The following TRAPPC14 variants were observed in gnomAD, a reference collection of about 807,000 sequenced individuals.
TRAPPC14 encodes the protein trafficking protein particle complex subunit 14, also known as microtubule associated protein 11.
Under a neutral mutation model 56.6 loss-of-function variants are expected in TRAPPC14, and 24 were observed. That is an observed-to-expected ratio of 0.42 (90% CI 0.31 to 0.60). TRAPPC14 has a LOEUF of 0.60. TRAPPC14 is among the 20% of genes least tolerant of loss of function. TRAPPC14 has a pLI of 0.14. For missense variants in TRAPPC14, 615 were observed against 790.3 expected, an observed-to-expected ratio of 0.78 and a Z score of 2.66; for synonymous variants, 377 against 347.0, an observed-to-expected ratio of 1.09 and a Z score of -0.96.
At chr7:100,156,189 C>T in intron 8 of TRAPPC14, 197 bp downstream of exon 8, 2 of 617,702 alleles carry the variant, frequency 3.2e-6, no homozygotes, top group South Asian at 3.8e-5. Flanking sequence ...AGTCACTCTG[C>T]CCCACTGCCT....
In TRAPPC14 at chr7:100,156,949, G is replaced by A. The variant is rs145882484; in HGVS notation, c.889C>T (p.Pro297Ser). ...EVSMGSFCRL[P>S]GTSGCFPCPL... Reference sequence around the variant, plus strand: ...CAGGGGAAGCAGCCAGAGGTCCCGGGTAGGCGGCAGAAGGAGCCCATGGAG... The same window carrying A: ...CAGGGGAAGCAGCCAGAGGTCCCGGATAGGCGGCAGAAGGAGCCCATGGAG... The change falls in exon 6 of 11, where the codon CCC (proline) becomes TCC (serine). Residue 297 changes from proline (P) to serine (S), a missense_variant. Pro to Ser is a moderately conservative substitution (Grantham distance 74). Transcript: ENST00000316937. The A allele has an allele frequency of 7.0e-5, 113 of 1,613,942 alleles. No homozygotes were observed. Among genetic ancestry groups the A allele is most frequent in the Non-Finnish European group, 3.6e-5 (43 of 1,180,018 alleles).
At chr7:100,155,487 C>T (rs776701829) in intron 9 of TRAPPC14, 32 bp from the exon 10 acceptor site, 26 of 1,515,214 alleles carry the variant, frequency 1.7e-5, no homozygotes, top group Middle Eastern at 3.5e-4. Flanking sequence ...CATGCCAGCT[C>T]GGCTTCCAGG....
At position 100,154,937 on chromosome 7, in the gene TRAPPC14, C is replaced by G. The variant is rs953712142; in HGVS notation, c.*74G>C. 11 of 1,517,944 alleles carry G rather than the reference C, an allele frequency of 7.2e-6. No individual in the cohort carries two copies. The highest frequency in any genetic ancestry group is 1.0e-5 in the Non-Finnish European group (11 of 1,094,110). The allele number at this position is 1,517,944 out of a possible 1,614,324, so 94.0% of individuals were successfully genotyped here. A position where few individuals can be genotyped will look rare whatever the true frequency, so the allele number is the denominator to read the frequency against. ...TCTGGGAGGCATCCCAGGGGAGGCACAGCCCGGGAGCAGGGATCCCCTCTG... is the reference window on the plus strand; with the variant it reads ...TCTGGGAGGCATCCCAGGGGAGGCAGAGCCCGGGAGCAGGGATCCCCTCTG... On this transcript the variant is annotated 3_prime_UTR_variant, in exon 11 of 11. Transcript: ENST00000316937.
rs374222211 is a variant in TRAPPC14, at chr7:100,156,604, C to G, written c.1076+30G>C. The G allele has an allele frequency of 5.6e-6, 9 of 1,610,842 alleles. No individual in the cohort carries two copies. In the South Asian group the frequency reaches 9.9e-5, roughly 18 times the overall value. On this transcript the variant is annotated intron_variant, in intron 7 of 10. Transcript: ENST00000316937. ...GTGTGTGTCAGGCCACAAAGGCGAA[C>G]GCCACGATTCCTCCAGGATCCACAC...
At position 100,157,444 on chromosome 7, in the gene TRAPPC14, G is replaced by A. The variant is rs1798906321; in HGVS notation, c.653C>T (p.Thr218Ile). The change falls in exon 4 of 11, where the codon ACT (threonine) becomes ATT (isoleucine). Residue 218 changes from threonine to isoleucine, a missense_variant. Physicochemically the swap from Thr to Ile is moderately conservative, Grantham distance 89. Coordinates refer to ENST00000316937, the MANE Select transcript of TRAPPC14 (RefSeq NM_018275.5). ...AFKAQVSTLL[T>I]LLPPPVLRCR... is the part of the protein sequence containing the mutation. ...TCTCAGAACCGGAGGGGGCAGCAGAGTCAGCAGCGTGCTCACTGCGGGAGG... is the reference window on the plus strand; with the variant it reads ...TCTCAGAACCGGAGGGGGCAGCAGAATCAGCAGCGTGCTCACTGCGGGAGG... 1 of 1,613,514 alleles carries A rather than the reference G, an allele frequency of 6.2e-7. No homozygotes were observed. The highest frequency in any genetic ancestry group is 8.5e-7 in the Non-Finnish European group (1 of 1,179,978).
At position 100,158,198 on chromosome 7, in the gene TRAPPC14, T is replaced by A; in HGVS notation, c.302A>T (p.Asp101Val). ...MPGGGGAGDQ[D>V]SEPPGGGDPG... ...ATCCCCTCCCCCTGGGGGCTCCGAA[T>A]CCTGGTCGCCGGCGCCGCCGCCCCC... is the stretch of plus-strand genomic sequence containing the variant. Residue 101 changes from aspartate (D) to valine (V), a missense_variant, in exon 1 of 11, where the codon GAT becomes GTT. Physicochemically the swap from Asp to Val is radical, Grantham distance 152. Coordinates refer to ENST00000316937, the MANE Select transcript of TRAPPC14 (RefSeq NM_018275.5). The A allele has an allele frequency of 6.9e-7, 1 of 1,457,300 alleles. No homozygotes were observed. Among genetic ancestry groups the A allele is most frequent in the Non-Finnish European group, 9.0e-7 (1 of 1,113,634 alleles). The allele number at this position is 1,457,300 out of a possible 1,614,324, so 90.3% of individuals were successfully genotyped here.
rs544911959 is a variant in TRAPPC14 at position 100,154,789 on chromosome 7, C to A, written c.*222G>T. ...GCCTAGGGGTGGGGCCAGCCCCCCC[C>A]ACAGGAACTCGGGGAATACTGGTGG... On this transcript the variant is annotated 3_prime_UTR_variant, in exon 11 of 11. Transcript: ENST00000316937. 194 of 592,792 alleles carry A rather than the reference C, an allele frequency of 3.3e-4. 1 individual carries two copies. The highest frequency in any genetic ancestry group is 2.5e-3 in the South Asian group (126 of 50,362). 36.7% of individuals were successfully genotyped at this position (592,792 alleles called of 1,614,324 possible).
intron 7 of TRAPPC14, 40 bp from the exon 8 acceptor site, chr7:100,156,589 G>C (rs760663003): frequency 1.2e-6 from 2 of 1,612,398 alleles, no homozygotes; most frequent in South Asian, 1.1e-5. Context: ...GTGTGTGTCA[G>C]GCCACAAAGG....
In TRAPPC14 at chr7:100,157,474, G is replaced by C. The variant is rs76779291; in HGVS notation, c.638-15C>G. 1 of 1,610,318 alleles carries C rather than the reference G, an allele frequency of 6.2e-7. No homozygotes were observed. The highest frequency in any genetic ancestry group is 1.1e-5 in the South Asian group (1 of 90,982). ...CAGCGTGCTCACTGCGGGAGGGGGT[G>C]GGGGCAAGAAGTGATGGTCTGGAGG... is the stretch of plus-strand genomic sequence containing the variant. On this transcript the variant is annotated splice_polypyrimidine_tract_variant and intron_variant, in intron 3 of 10. Transcript: ENST00000316937.
chr7:100,154,730 C>T lies in TRAPPC14; in HGVS notation c.*281G>A, dbSNP rs1330228724. ...TAAACTCAGAACCAGGGTAAAGGGC[C>T]GGGGACAAGGGAGCTCTGGGAACCC... On this transcript the variant is annotated 3_prime_UTR_variant, in exon 11 of 11. Transcript: ENST00000316937. The T allele has an allele frequency of 1.8e-5, 9 of 511,508 alleles. No homozygotes were observed. Among genetic ancestry groups the T allele is most frequent in the Non-Finnish European group, 2.5e-5 (7 of 284,982 alleles). The allele number at this position is 511,508 out of a possible 1,614,324, so 31.7% of individuals were successfully genotyped here.
chr7:100,158,057 C>T (rs1798921236), intron 1 of TRAPPC14, 32 bp downstream of exon 1: 1 of 1,417,546 alleles, frequency 7.1e-7, no homozygotes. Flanking sequence ...ACCGCCCCTC[C>T]GTCCTGTGCC....
chr7:100,156,921 G>T lies in TRAPPC14; in HGVS notation c.917C>A (p.Pro306Gln). The part of the protein sequence containing the change: ...LPGTSGCFPC[P>Q]LNALEEHNFL... ...GTTGTGTTCCTCCAGGGCATTCAGC[G>T]GGCAGGGGAAGCAGCCAGAGGTCCC... The change falls in exon 6 of 11, where the codon CCG (proline) becomes CAG (glutamine). Residue 306 changes from proline to glutamine, a missense_variant. Coordinates refer to ENST00000316937, the MANE Select transcript of TRAPPC14 (RefSeq NM_018275.5). 6.2e-7 allele frequency: 1 copy of T among 1,614,082 alleles called. No individual in the cohort carries two copies. Among genetic ancestry groups the T allele is most frequent in the Non-Finnish European group, 8.5e-7 (1 of 1,180,030 alleles).
At position 100,157,285 on chromosome 7, in the gene TRAPPC14, G is replaced by A. The variant is rs1250091970; in HGVS notation, c.725-71C>T. 4 of 1,612,946 alleles carry A rather than the reference G, an allele frequency of 2.5e-6. No individual in the cohort carries two copies. The African/African-American group carries it at 4.0e-5, about 16-fold the overall frequency. ...GCCCCACCTTTACCCAGAAAAAACC[G>A]GACCTACCCCACCAGCCTGCCCAGA... is the stretch of plus-strand genomic sequence containing the variant. On this transcript the variant is annotated intron_variant, in intron 4 of 10. Coordinates refer to ENST00000316937, the MANE Select transcript of TRAPPC14 (RefSeq NM_018275.5).
Position 100,156,283 on chromosome 7 carries a change from G to A in TRAPPC14, c.1240+103C>T, listed in dbSNP as rs1798879542. On this transcript the variant is annotated intron_variant, in intron 8 of 10. Coordinates refer to ENST00000316937, the MANE Select transcript of TRAPPC14 (RefSeq NM_018275.5). ...CTGCCACAAGTCGCCTCCTGTGATG[G>A]GGCTGGCACCAAATTTGGCTGTTTT... 3.5e-5 allele frequency: 43 copies of A among 1,233,112 alleles called. 1 individual carries two copies. The South Asian group carries it at 5.6e-4, about 16-fold the overall frequency. 76.4% of individuals were successfully genotyped at this position (1,233,112 alleles called of 1,614,324 possible).
intron 8 of TRAPPC14, chr7:100,156,026 A>C (rs1250786135): frequency 3.9e-6 from 3 of 762,088 alleles, no homozygotes; most frequent in South Asian, 1.4e-5. Context: ...CAGTATCTGC[A>C]TGACAGCCCC....
chr7:100,157,662 C>T lies in TRAPPC14; in HGVS notation c.608G>A (p.Arg203Gln), dbSNP rs1311990627. ...GGCCTTGAAAGCGCTCTGCTCGCCC[C>T]GGAATGTCTCCCCAGGAGATCGGGT... ...LQTRSPGETF[R>Q]GEQSAFKAQV... Residue 203 changes from arginine (R) to glutamine (Q), a missense_variant, in exon 3 of 11, where the codon CGG becomes CAG. Arg to Gln is a conservative substitution (Grantham distance 43). Coordinates refer to ENST00000316937, the MANE Select transcript of TRAPPC14 (RefSeq NM_018275.5). 1.2e-6 allele frequency: 2 copies of T among 1,614,118 alleles called. No individual in the cohort carries two copies. Among genetic ancestry groups the T allele is most frequent in the Admixed American group, 1.7e-5 (1 of 60,012 alleles).
chr7:100,156,616 T>A lies in TRAPPC14; in HGVS notation c.1076+18A>T. On this transcript the variant is annotated intron_variant, in intron 7 of 10. Transcript: ENST00000316937. ...CCACAAAGGCGAACGCCACGATTCC[T>A]CCAGGATCCACACTCACCGGTAGTG... The A allele has an allele frequency of 6.2e-7, 1 of 1,610,656 alleles. No individual in the cohort carries two copies.
At chr7:100,156,083 A>T (rs1386996540) in intron 8 of TRAPPC14, 4 of 655,086 alleles carry the variant, frequency 6.1e-6, no homozygotes, top group Non-Finnish European at 1.1e-5. Context: ...TCTGAGGCCC[A>T]GAGAGGTTAA....
chr7:100,155,950 T>C, intron 8 of TRAPPC14, 125 bp from the exon 9 acceptor site: 1 of 1,244,850 alleles, frequency 8.0e-7, no homozygotes, highest in Non-Finnish European at 1.2e-6. Context: ...ACGTTATCTT[T>C]TGTGCATGTT....
Sources: gnomAD v4.1 joint callset for allele counts on GRCh38, gnomAD v4.1.1 for gene constraint, MANE v1.5 for transcripts, NCBI Gene and HGNC (gene_info 2026-07-23, HGNC 2026-07-21) for gene names.